Variants in PCDHGA8 observed in about 807,000 individuals in gnomAD.
PCDHGA8 encodes protocadherin gamma subfamily A, 8, also known as protocadherin gamma-A8.
PCDHGA8 carries 45 observed loss-of-function variants against 59.2 expected under a neutral mutation model. That is an observed-to-expected ratio of 0.76 (90% CI 0.60 to 0.98). The LOEUF (loss-of-function observed/expected upper bound fraction) is 0.98. Ranked by LOEUF, PCDHGA8 falls within the 50% of genes least tolerant of loss-of-function variation. The pLI is 0.00. For missense variants in PCDHGA8, 1,257 were observed against 1,196.2 expected (o/e 1.05, Z -0.75); for synonymous variants, 531 against 519.0 (o/e 1.02, Z -0.32).
intron 1 of PCDHGA8, among the ~76,000 whole-genome samples, chr5:141,471,046 CTTTT>C (rs1170588345): frequency 5.3e-5 from 6 of 113,264 alleles, no homozygotes; most frequent in Admixed American, 9.3e-5. Context: ...CCCAAGCCCT[CTTTT>C]TTTTTTTTTT....
intron 1 of PCDHGA8, among the ~76,000 whole-genome samples, chr5:141,438,976 C>T (rs2098079529): frequency 6.6e-6 from 1 of 151,928 alleles, no homozygotes; most frequent in Non-Finnish European, 1.5e-5. Context: ...AACTGTCTGA[C>T]TTATCTTAAA....
In PCDHGA8 at chr5:141,432,582, T is replaced by A. The variant is rs1561862595; in HGVS notation, c.2424+37345T>A. 2 of 1,613,236 alleles carry A rather than the reference T, an allele frequency of 1.2e-6. No homozygotes were observed. The highest frequency in any genetic ancestry group is 1.7e-6 in the Non-Finnish European group (2 of 1,179,922). On this transcript the variant is annotated intron_variant, in intron 1 of 3. Transcript: ENST00000398604. This position sits in a 1 kb window ranked among gnomAD's most constrained non-coding sequence, Gnocchi z 6.0. ...CAGAACGCCTGGCTGTCCTACCGTC[T>A]GCTCAAGGCCAGCGAGCCGGGACTC...
In PCDHGA8 at chr5:141,486,913, G is replaced by A. The variant is rs2099636995; in HGVS notation, c.2425-7894G>A. ...CTGGTTCCTTATGTCCCCAAGCACT[G>A]CCTCCATCAGTTGGTGCTGGCCACC... On this transcript the variant is annotated intron_variant, in intron 1 of 3. Transcript: ENST00000398604. The surrounding 1 kb of genome is among the most constrained non-coding windows in gnomAD (Gnocchi z 5.0). The A allele has an allele frequency of 1.9e-6, 3 of 1,614,092 alleles. No individual in the cohort carries two copies. The highest frequency in any genetic ancestry group is 1.3e-5 in the African/African-American group (1 of 74,938).
intron 1 of PCDHGA8, chr5:141,419,383 C>A (rs1354675466): frequency 6.2e-7 from 1 of 1,613,698 alleles, no homozygotes; most frequent in South Asian, 1.1e-5. Context: ...TGTCCGTGAG[C>A]GCGCAGAGCG....
chr5:141,405,050 G>T, intron 1 of PCDHGA8: 1 of 1,613,866 alleles, frequency 6.2e-7, no homozygotes, highest in South Asian at 1.1e-5. Flanking sequence ...TGTGGCAGTC[G>T]TCTCCTGTGT....
rs971156422 is a variant in PCDHGA8, at chr5:141,394,727, C to T, written c.1914C>T (p.Leu638=). The T allele has an allele frequency of 1.2e-6, 2 of 1,613,318 alleles. No homozygotes were observed. The highest frequency in any genetic ancestry group is 1.3e-5 in the African/African-American group (1 of 74,948). Residue 638 remains leucine, a synonymous_variant, in exon 1 of 4, where the codon CTC becomes CTT. Transcript: ENST00000398604. The stretch of plus-strand genomic sequence containing the variant: ...GAGCCCTGCTGGACAGAGATGCGCT[C>T]AAGCAGAGCCTCGTGGTGGCCGTCC... ...TARALLDRDA[L]KQSLVVAVQD... is the part of the protein sequence containing the mutation.
intron 1 of PCDHGA8, among the ~76,000 whole-genome samples, chr5:141,407,771 A>G (rs1414886829): frequency 6.6e-6 from 1 of 152,246 alleles, no homozygotes; most frequent in East Asian, 1.9e-4. Context: ...GAAATTGTGC[A>G]TAATAGATTT....
chr5:141,421,933 G>A (rs1310432014), intron 1 of PCDHGA8: 1 of 1,613,446 alleles, frequency 6.2e-7, no homozygotes, highest in Non-Finnish European at 8.5e-7. Flanking sequence ...GGTCCTCGAT[G>A]TAAATGATCA....
chr5:141,404,180 C>A (rs774534952), intron 1 of PCDHGA8: 10 of 1,613,196 alleles, frequency 6.2e-6, no homozygotes, highest in Non-Finnish European at 8.5e-6. Flanking sequence ...GGCCCAAATT[C>A]TTGACCGAGA....
chr5:141,424,768 A>G (rs143190880), intron 1 of PCDHGA8: 38 of 152,284 alleles, frequency 2.5e-4, no homozygotes, highest in African/African-American at 9.1e-4. Context: ...TCTTATGGCA[A>G]ATAGTACATT....
intron 1 of PCDHGA8, among the ~76,000 whole-genome samples, chr5:141,443,905 A>G (rs963772369): frequency 6.6e-6 from 1 of 152,204 alleles, no homozygotes; most frequent in Admixed American, 6.5e-5. Context: ...TAGTAGGAAA[A>G]TTCATAAAAG....
chr5:141,487,826 T>C lies in PCDHGA8; in HGVS notation c.2425-6981T>C, dbSNP rs1321152837. 24 of 1,187,814 alleles carry C rather than the reference T, an allele frequency of 2.0e-5. No homozygotes were observed. The highest frequency in any genetic ancestry group is 2.8e-5 in the Non-Finnish European group (24 of 856,356). The allele number at this position is 1,187,814 out of a possible 1,614,324, so 73.6% of individuals were successfully genotyped here. On this transcript the variant is annotated intron_variant, in intron 1 of 3. Coordinates refer to ENST00000398604, the MANE Select transcript of PCDHGA8 (RefSeq NM_032088.2). The surrounding 1 kb of genome is among the most constrained non-coding windows in gnomAD (Gnocchi z 5.0). ...ACAGTTTAGCATTGGGGGCGGGTCA[T>C]GCCTATATCTGAGTAAGAAATGAAA... is the stretch of plus-strand genomic sequence containing the variant.
rs1312195504 is a variant in PCDHGA8 at position 141,429,392 on chromosome 5, A to ATTTTT, written c.2424+34155_2424+34156insTTTTT. On this transcript the variant is annotated intron_variant, in intron 1 of 3. Transcript: ENST00000398604. Reference sequence around the variant, plus strand: ...GAGAAAATGTGTTTTTTTTTTAAAAAAAATTGAGATTAAGGTCTCATTATG... The same window carrying ATTTTT: ...GAGAAAATGTGTTTTTTTTTTAAAAATTTTTAAATTGAGATTAAGGTCTCATTATG... Among the ~76,000 whole-genome samples, 131 of 152,104 alleles carry ATTTTT rather than the reference A, an allele frequency of 8.6e-4. 1 individual carries two copies. Among genetic ancestry groups the ATTTTT allele is most frequent in the Non-Finnish European group, 1.5e-3 (100 of 67,974 alleles).
chr5:141,454,563 C>T (rs1056296059), intron 1 of PCDHGA8, among the ~76,000 whole-genome samples: 46 of 151,960 alleles, frequency 3.0e-4, no homozygotes, highest in Non-Finnish European at 4.9e-4. Context: ...TGTGCCACCA[C>T]GCCCGGCTAA....
At chr5:141,419,022 G>A in intron 1 of PCDHGA8, 1 of 1,613,960 alleles carries the variant, frequency 6.2e-7, no homozygotes, top group Non-Finnish European at 8.5e-7. Flanking sequence ...AGCTTAAGTA[G>A]AGGTGTTCCA....
In PCDHGA8 at chr5:141,485,115, G is replaced by A. The variant is rs1043877839; in HGVS notation, c.2425-9692G>A. 6.9e-6 allele frequency: 9 copies of A among 1,300,470 alleles called. No individual in the cohort carries two copies. Among genetic ancestry groups the A allele is most frequent in the Non-Finnish European group, 1.1e-6 (1 of 911,406 alleles). 80.6% of individuals were successfully genotyped at this position (1,300,470 alleles called of 1,614,324 possible). ...GTGTCTCCAGCTGCTGTGGCTGTTT[G>A]GGGCGGGTCGGCTTCATCCGCGTCT... On this transcript the variant is annotated intron_variant, in intron 1 of 3. Coordinates refer to ENST00000398604, the MANE Select transcript of PCDHGA8 (RefSeq NM_032088.2). The surrounding 1 kb of genome is among the most constrained non-coding windows in gnomAD (Gnocchi z 5.7).
intron 1 of PCDHGA8, chr5:141,418,549 C>T: frequency 6.2e-7 from 1 of 1,614,024 alleles, no homozygotes; most frequent in Non-Finnish European, 8.5e-7. Context: ...AGATAAGAAT[C>T]CTGGTAATAG....
chr5:141,474,289 T>C (rs11956411), intron 1 of PCDHGA8, among the ~76,000 whole-genome samples: 31,178 of 152,120 alleles, frequency 0.2, 3,304 homozygotes, highest in Admixed American at 0.31. Context: ...ACCCACTAGA[T>C]CAGTGCTTGT....
intron 1 of PCDHGA8, chr5:141,413,712 T>A (rs1405825615): frequency 9.9e-6 from 16 of 1,613,454 alleles, no homozygotes; most frequent in Middle Eastern, 3.3e-4. Context: ...TCAGCCCCAA[T>A]AAGCACTTCT....
Sources: allele counts gnomAD v4.1 joint callset (sites outside exome capture counted in the v4.1 genomes callset), GRCh38; gene constraint gnomAD v4.1.1; non-coding constraint Gnocchi (gnomAD v3.1); transcripts MANE v1.5; gene names NCBI Gene and HGNC (gene_info 2026-07-23, HGNC 2026-07-21).